The following RALGAPA2 variants were observed in gnomAD, a reference collection of about 807,000 sequenced individuals.
RALGAPA2 encodes Ral GTPase activating protein catalytic subunit alpha 2, also known as ral GTPase-activating protein subunit alpha-2.
Under a neutral mutation model 230.4 loss-of-function variants are expected in RALGAPA2, and 139 were observed. The ratio of observed to expected loss-of-function variants is 0.60; its 90% CI spans 0.53 to 0.69. The LOEUF (loss-of-function observed/expected upper bound fraction) is 0.69, where lower values mean the gene tolerates loss of function less well. RALGAPA2 is among the 30% of genes least tolerant of loss of function. The pLI is 0.00. For synonymous variants in RALGAPA2, 847 were observed against 837.8 expected (o/e 1.01, Z -0.19); for missense variants, 2,163 against 2,276.0 (o/e 0.95, Z 1.01).
chr20:20,663,166 T>C (rs1490049184), intron 3 of RALGAPA2, among the ~76,000 whole-genome samples: 1 of 152,136 alleles, frequency 6.6e-6, no homozygotes, highest in African/African-American at 2.4e-5. Context: ...CTTAGCAGGA[T>C]ACTCCACTGG....
chr20:20,648,535 TA>T (rs1055604084), intron 4 of RALGAPA2, among the ~76,000 whole-genome samples: 31 of 152,070 alleles, frequency 2.0e-4, no homozygotes, highest in African/African-American at 7.2e-4. Flanking sequence ...CCCCCATAAA[TA>T]TTTTTTTTTT....
rs902425632 is a variant in RALGAPA2 at position 20,599,393 on chromosome 20, T to C, written c.2203+2289A>G. ...TCACATTTCATGCTTATTAAATCCA[T>C]ACATCTTAAGTGTCTACTTTACGGT... On this transcript the variant is annotated intron_variant, in intron 16 of 39. Coordinates refer to ENST00000202677, the MANE Select transcript of RALGAPA2 (RefSeq NM_020343.4). Among the ~76,000 whole-genome samples the C allele has an allele frequency of 5.3e-5, 8 of 152,230 alleles. No homozygotes were observed. In the South Asian group the frequency reaches 1.4e-3, roughly 28 times the overall value.
chr20:20,593,083 A>C (rs755993576), intron 16 of RALGAPA2, among the ~76,000 whole-genome samples: 7 of 152,068 alleles, frequency 4.6e-5, no homozygotes, highest in Non-Finnish European at 8.8e-5. Flanking sequence ...ATACCCAAAA[A>C]ATTTTTGTCT....
intron 38 of RALGAPA2, among the ~76,000 whole-genome samples, chr20:20,408,268 T>C (rs1033780713): frequency 1.3e-5 from 2 of 152,204 alleles, no homozygotes; most frequent in African/African-American, 4.8e-5. Context: ...TTCTTAAAAT[T>C]AGATATTAAA....
At chr20:20,650,216 C>A (rs554285005) in intron 4 of RALGAPA2, among the ~76,000 whole-genome samples, 117 of 152,116 alleles carry the variant, frequency 7.7e-4, no homozygotes, top group Non-Finnish European at 1.3e-3. Context: ...CCATTAAAAA[C>A]CAAAACAAAA....
chr20:20,664,661 T>C (rs2067898087), intron 3 of RALGAPA2, among the ~76,000 whole-genome samples: 1 of 152,228 alleles, frequency 6.6e-6, no homozygotes, highest in South Asian at 2.1e-4. Flanking sequence ...GTTTTGGTAC[T>C]AGCACTAGTT....
chr20:20,478,142 T>G (rs2061692393), intron 36 of RALGAPA2, among the ~76,000 whole-genome samples: 1 of 152,296 alleles, frequency 6.6e-6, no homozygotes, highest in South Asian at 2.1e-4. Context: ...GTTTAGAAAT[T>G]AAGAAATACA....
intron 30 of RALGAPA2, among the ~76,000 whole-genome samples, chr20:20,523,639 T>C (rs1385314409): frequency 6.6e-6 from 1 of 152,194 alleles, no homozygotes; most frequent in Non-Finnish European, 1.5e-5. Flanking sequence ...GACAACCCAA[T>C]TACCCTGATT....
intron 1 of RALGAPA2, among the ~76,000 whole-genome samples, chr20:20,702,507 CAAGCCAAAGTGGCCCT>C (rs1044401314): frequency 6.6e-5 from 10 of 152,164 alleles, no homozygotes; most frequent in African/African-American, 2.4e-4. Context: ...AGGAAGTCCT[CAAGCCAAAGTGGCCCT>C]TCAGAGGCAT....
intron 13 of RALGAPA2, 64 bp from the exon 14 acceptor site, chr20:20,611,490 G>A (rs1263486691): frequency 2.0e-6 from 3 of 1,532,754 alleles, no homozygotes; most frequent in Non-Finnish European, 2.6e-6. Flanking sequence ...TAATTTATAG[G>A]TACCAGAAAT....
intron 27 of RALGAPA2, among the ~76,000 whole-genome samples, chr20:20,528,363 G>C (rs137980709): frequency 1.3e-4 from 20 of 152,162 alleles, no homozygotes; most frequent in African/African-American, 4.8e-4. Flanking sequence ...AGTAATCTGT[G>C]GGGGCCAGTC....
At chr20:20,603,355 T>C (rs968043494) in intron 15 of RALGAPA2, among the ~76,000 whole-genome samples, 3 of 152,200 alleles carry the variant, frequency 2.0e-5, no homozygotes, top group Non-Finnish European at 2.9e-5. Flanking sequence ...TCAATGAAGA[T>C]ATAAGAATCC....
intron 23 of RALGAPA2, among the ~76,000 whole-genome samples, chr20:20,566,577 T>C (rs1163795962): frequency 6.6e-6 from 1 of 152,210 alleles, no homozygotes; most frequent in Non-Finnish European, 1.5e-5. Context: ...TTACCCTTAA[T>C]ATTATTACAA....
Position 20,505,429 on chromosome 20 carries a change from AAC to A in RALGAPA2, c.5032_5033del (p.Val1678CysfsTer53). 6.2e-7 allele frequency: 1 copy of A among 1,600,796 alleles called. No homozygotes were observed. Among genetic ancestry groups the A allele is most frequent in the South Asian group, 1.1e-5 (1 of 88,238 alleles). On this transcript the variant is annotated frameshift_variant, in exon 34 of 40. Transcript: ENST00000202677. LOFTEE classifies it high-confidence loss of function. ...GCATTACCTCCCATCCAAGTCCAGC[AAC>A]AAAGTCTTCATATGCTTGGCTTCCT... ...ERGSQAYEDF[V>X]AGLGWEVDLS...
intron 37 of RALGAPA2, among the ~76,000 whole-genome samples, chr20:20,429,346 G>T (rs1464070523): frequency 6.6e-6 from 1 of 152,152 alleles, no homozygotes; most frequent in African/African-American, 2.4e-5. Flanking sequence ...ATTGTTGTTT[G>T]GTGCTAACAG....
Position 20,664,773 on chromosome 20 carries a change from T to C in RALGAPA2, c.271-11186A>G, listed in dbSNP as rs561941845. The stretch of plus-strand genomic sequence containing the variant: ...TAACAAAACCCCAGTGAGATGCCAC[T>C]ACTTGGTTCCCACCACCCCATAAAT... On this transcript the variant is annotated intron_variant, in intron 3 of 39. Coordinates refer to ENST00000202677, the MANE Select transcript of RALGAPA2 (RefSeq NM_020343.4). 3.9e-5 allele frequency among the ~76,000 whole-genome samples: 6 copies of C among 152,314 alleles called. No homozygotes were observed. In the South Asian group the frequency reaches 1.0e-3, roughly 26 times the overall value.
chr20:20,629,849 T>C (rs923982143), intron 9 of RALGAPA2, among the ~76,000 whole-genome samples: 2 of 152,174 alleles, frequency 1.3e-5, no homozygotes, highest in Non-Finnish European at 2.9e-5. Flanking sequence ...GGCTGTGAAA[T>C]TTTCCCAATC....
chr20:20,459,904 A>G (rs926833420), intron 37 of RALGAPA2, among the ~76,000 whole-genome samples: 1 of 152,086 alleles, frequency 6.6e-6, no homozygotes, highest in Non-Finnish European at 1.5e-5. Context: ...TGTTGCAGTG[A>G]CTCAACAAAT....
At chr20:20,442,069 G>A (rs1482701526) in intron 37 of RALGAPA2, among the ~76,000 whole-genome samples, 1 of 152,228 alleles carries the variant, frequency 6.6e-6, no homozygotes, top group Non-Finnish European at 1.5e-5. Flanking sequence ...TGACAATGCA[G>A]TTGGAAGACA....
Sources: allele counts gnomAD v4.1 joint callset (sites outside exome capture counted in the v4.1 genomes callset), GRCh38; gene constraint gnomAD v4.1.1; transcripts MANE v1.5; gene names NCBI Gene and HGNC (gene_info 2026-07-23, HGNC 2026-07-21).